RSF1: variants seen among roughly 807,000 people sequenced by gnomAD.
The protein encoded by RSF1 is remodeling and spacing factor 1, also known as HBV pX-associated protein 8.
Under a neutral mutation model 145.2 loss-of-function variants are expected in RSF1, and 13 were observed. That is an observed-to-expected ratio of 0.09 (90% CI 0.06 to 0.14). The LOEUF is 0.14. RSF1 is among the 10% of genes least tolerant of loss of function. The pLI is 1.00. For synonymous variants in RSF1, 577 were observed against 592.6 expected (o/e 0.97, Z 0.38); for missense variants, 1,517 against 1,718.2 (o/e 0.88, Z 2.07).
At chr11:77,812,922 T>G (rs1230262502) in intron 1 of RSF1, among the ~76,000 whole-genome samples, 1 of 151,682 alleles carries the variant, frequency 6.6e-6, no homozygotes, top group Non-Finnish European at 1.5e-5. Context: ...TGGTGTAGTT[T>G]CTGCTTGCTG....
At chr11:77,847,386 T>C in the RSF1 span, among the ~76,000 whole-genome samples, 1 of 152,234 alleles carries the variant, frequency 6.6e-6, no homozygotes, top group Non-Finnish European at 1.5e-5. Context: ...TAAACAGTTA[T>C]GCCTACAAAA....
At chr11:77,852,563 C>G in the RSF1 span, among the ~76,000 whole-genome samples, 2 of 152,100 alleles carry the variant, frequency 1.3e-5, no homozygotes, top group Non-Finnish European at 2.9e-5. Flanking sequence ...TACAATTCAA[C>G]ATGAGATTTG....
chr11:77,821,197 C>A, upstream of RSF1: 1 of 328,534 alleles, frequency 3.0e-6, no homozygotes, highest in South Asian at 1.2e-4. Flanking sequence ...GCGGGCAGAG[C>A]ACTGCGCCGT....
intron 4 of RSF1, among the ~76,000 whole-genome samples, chr11:77,727,802 A>C (rs1005702336): frequency 1.3e-5 from 2 of 152,160 alleles, no homozygotes; most frequent in African/African-American, 4.8e-5. Flanking sequence ...TTTAAGCAAA[A>C]AGGGAATTTA....
chr11:77,685,429 G>A (rs1959978099), intron 9 of RSF1, among the ~76,000 whole-genome samples: 1 of 152,078 alleles, frequency 6.6e-6, no homozygotes, highest in Non-Finnish European at 1.5e-5. Context: ...GCAAGTAGCT[G>A]GGATTACAGG....
At chr11:77,769,765 A>G (rs1186908710) in intron 1 of RSF1, among the ~76,000 whole-genome samples, 6 of 152,274 alleles carry the variant, frequency 3.9e-5, no homozygotes, top group Non-Finnish European at 5.9e-5. Context: ...TTTGAATGGT[A>G]GAAATGTACA....
intron 1 of RSF1, among the ~76,000 whole-genome samples, chr11:77,799,787 A>G (rs1459860989): frequency 6.6e-6 from 1 of 152,230 alleles, no homozygotes; most frequent in East Asian, 1.9e-4. Flanking sequence ...AGAAAAATAG[A>G]AGACTCAAGT....
intron 11 of RSF1, among the ~76,000 whole-genome samples, chr11:77,678,444 AC>A (rs1242025419): frequency 6.6e-6 from 1 of 151,858 alleles, no homozygotes; most frequent in Non-Finnish European, 1.5e-5. Context: ...CTCGATCTCG[AC>A]CTCGTGATCT....
At position 77,661,437 on chromosome 11, in the gene RSF1, ATGTGTGTGTGTG is replaced by A. The variant is rs59270581; in HGVS notation, c.*5468_*5479del. 1 of 146,800 alleles carries A rather than the reference ATGTGTGTGTGTG, an allele frequency of 6.8e-6. No homozygotes were observed. The highest frequency in any genetic ancestry group is 2.0e-4 in the East Asian group (1 of 5,020). 9.1% of individuals were successfully genotyped at this position (146,800 alleles called of 1,614,324 possible). ...AAATCCATTTACTAATATAAGCTAG[ATGTGTGTGTGTG>A]TGTGTGTGTGTGTGCAATTTTCATG... On this transcript the variant is annotated 3_prime_UTR_variant, in exon 16 of 16. Transcript: ENST00000308488.
intron 2 of RSF1, chr11:77,763,649 T>G (rs1948198016): frequency 6.6e-6 from 1 of 152,174 alleles, no homozygotes; most frequent in African/African-American, 2.4e-5. Context: ...TATGACAGTT[T>G]CTAAAATAGG....
intron 2 of RSF1, among the ~76,000 whole-genome samples, chr11:77,758,869 G>T (rs966114717): frequency 1.3e-5 from 2 of 152,110 alleles, no homozygotes; most frequent in Non-Finnish European, 2.9e-5. Context: ...CGTGCAATTT[G>T]CAATATAACT....
upstream of RSF1, among the ~76,000 whole-genome samples, chr11:77,822,926 T>C (rs932161843): frequency 9.2e-5 from 14 of 152,040 alleles, no homozygotes; most frequent in African/African-American, 3.1e-4. Context: ...TTTTAAGAAA[T>C]TAAAATCCGC....
In RSF1 at chr11:77,736,693, T is replaced by C. The variant is rs140109089; in HGVS notation, c.578+4038A>G. Among the ~76,000 whole-genome samples, 756 of 152,302 alleles carry C rather than the reference T, an allele frequency of 5.0e-3. 9 individuals are homozygous for C. Among genetic ancestry groups the C allele is most frequent in the African/African-American group, 0.017 (711 of 41,560 alleles). On this transcript the variant is annotated intron_variant, in intron 4 of 15. Transcript: ENST00000308488. ...ATGTCATAGAACATCTCACTTATAA[T>C]ATGCATAAACACACCCAACTGAAAA...
chr11:77,698,289 G>A lies in RSF1; in HGVS notation c.2715+198C>T, dbSNP rs73508715. Among the ~76,000 whole-genome samples the A allele has an allele frequency of 1.7e-3, 266 of 152,278 alleles. 2 individuals are homozygous for A. Among genetic ancestry groups the A allele is most frequent in the Middle Eastern group, 6.8e-3 (2 of 294 alleles). On this transcript the variant is annotated intron_variant, in intron 7 of 15. Transcript: ENST00000308488. ...GAGGAAATATCAATATACAAGCCAA[G>A]TAGAATGAAAGTAGGATCTTGATCA... is the stretch of plus-strand genomic sequence containing the variant.
Position 77,808,744 on chromosome 11 carries a change from G to A in RSF1, c.187+11784C>T, listed in dbSNP as rs904189355. On this transcript the variant is annotated intron_variant, in intron 1 of 15. Coordinates refer to ENST00000308488, the MANE Select transcript of RSF1 (RefSeq NM_016578.4). ...GAGACGGGGTTTCACCGTGTTAACC[G>A]GGATGGTCTCGATCTCCTGACCTCG... 7.0e-5 allele frequency among the ~76,000 whole-genome samples: 10 copies of A among 142,768 alleles called. 1 individual carries two copies. The highest frequency in any genetic ancestry group is 1.1e-4 in the African/African-American group (4 of 36,404). The allele number at this position is 142,768 out of a possible 152,430, so 93.7% of individuals were successfully genotyped here. A position where few individuals can be genotyped will look rare whatever the true frequency, so the allele number is the denominator to read the frequency against.
intron 11 of RSF1, 124 bp from the exon 12 acceptor site, chr11:77,678,277 C>T (rs868243491): frequency 3.7e-4 from 177 of 474,304 alleles, no homozygotes; most frequent in Middle Eastern, 6.2e-4. Context: ...AGTGCAGTGG[C>T]GCCATCTCGG....
chr11:77,825,082 G>A (rs1213574660), upstream of RSF1, among the ~76,000 whole-genome samples: 3 of 152,088 alleles, frequency 2.0e-5, no homozygotes, highest in African/African-American at 7.2e-5. Flanking sequence ...CTGGTTTCAC[G>A]CCATTCTATT....
At chr11:77,726,164 T>C (rs1447620595) in intron 4 of RSF1, among the ~76,000 whole-genome samples, 4 of 152,246 alleles carry the variant, frequency 2.6e-5, no homozygotes, top group African/African-American at 9.6e-5. Context: ...CAGAACTTTC[T>C]GATTACAGCA....
intron 1 of RSF1, among the ~76,000 whole-genome samples, chr11:77,792,208 C>G (rs183227712): frequency 5.3e-5 from 8 of 152,272 alleles, no homozygotes; most frequent in Admixed American, 2.0e-4. Flanking sequence ...ACCATCAGAT[C>G]TCATGAGACT....
Sources: allele counts gnomAD v4.1 joint callset (sites outside exome capture counted in the v4.1 genomes callset), GRCh38; gene constraint gnomAD v4.1.1; transcripts MANE v1.5; gene names NCBI Gene and HGNC (gene_info 2026-07-23, HGNC 2026-07-21).